The following SETD4 variants were observed in gnomAD, a reference collection of about 807,000 sequenced individuals.
SETD4 encodes the protein SET domain-containing protein 4.
In SETD4, 46 loss-of-function variants were observed where a neutral mutation model predicts 58.3. The observed-to-expected ratio is 0.79, with a 90% CI of 0.62 to 1.01. The LOEUF (loss-of-function observed/expected upper bound fraction) is 1.01, where lower values mean the gene tolerates loss of function less well. Ranked by LOEUF, SETD4 falls within the 50% of genes least tolerant of loss-of-function variation. The pLI is 0.00. For synonymous variants in SETD4, 190 were observed against 202.6 expected, an observed-to-expected ratio of 0.94 and a Z score of 0.53; for missense variants, 490 against 523.3, an observed-to-expected ratio of 0.94 and a Z score of 0.62.
rs150674920 is a variant in SETD4 at position 36,043,932 on chromosome 21, T to C, written c.751A>G (p.Thr251Ala). The C allele has an allele frequency of 3.7e-5, 60 of 1,614,038 alleles. No individual in the cohort carries two copies. The African/African-American group carries it at 7.2e-4, about 19-fold the overall frequency. The change falls in exon 7 of 12, where the codon ACT becomes GCT. Residue 251 changes from threonine (T) to alanine (A), a missense_variant. Physicochemically the swap from Thr to Ala is moderately conservative, Grantham distance 58. Transcript: ENST00000332131. ...GTCGTTCTAATTTCGTAAGAATGAG[T>C]TTCTTCATTAAACGCTGCTTTTACC... ...VQVKAAFNEE[T>A]HSYEIRTTSR... is the part of the protein sequence containing the mutation.
intron 6 of SETD4, among the ~76,000 whole-genome samples, 163 bp downstream of exon 6, chr21:36,045,419 A>T (rs556528127): frequency 1.9e-4 from 29 of 152,328 alleles, no homozygotes; most frequent in African/African-American, 6.3e-4. Context: ...AGTGGGGTCT[A>T]GAAGAACAAC....
Position 36,040,562 on chromosome 21 carries a change from A to G in SETD4, c.1064+13T>C. ...TGTTGCTACAGCTTAAGACCAACAC[A>G]TGTGAAACTTACAATTTCTCAGCTT... On this transcript the variant is annotated intron_variant, in intron 9 of 11. Coordinates refer to ENST00000332131, the MANE Select transcript of SETD4 (RefSeq NM_017438.5). 1 of 1,610,938 alleles carries G rather than the reference A, an allele frequency of 6.2e-7. No individual in the cohort carries two copies. Among genetic ancestry groups the G allele is most frequent in the Non-Finnish European group, 8.5e-7 (1 of 1,177,316 alleles).
intron 4 of SETD4, 74 bp from the exon 5 acceptor site, chr21:36,048,470 C>T (rs981676886): frequency 6.7e-6 from 9 of 1,350,432 alleles, no homozygotes; most frequent in Admixed American, 1.7e-5. Context: ...CTTACAAAGT[C>T]GTTGATCCCA....
chr21:36,050,733 G>C (rs560140020), intron 4 of SETD4: 1 of 1,612,690 alleles, frequency 6.2e-7, no homozygotes, highest in Non-Finnish European at 8.5e-7. Context: ...CTTGGCTCGA[G>C]ATAAGCACCA....
rs760891951 is a variant in SETD4 at position 36,045,443 on chromosome 21, C to T, written c.726+139G>A. 3.2e-5 allele frequency: 31 copies of T among 980,902 alleles called. No homozygotes were observed. In the East Asian group the frequency reaches 4.6e-4, roughly 15 times the overall value. The allele number at this position is 980,902 out of a possible 1,614,324, so 60.8% of individuals were successfully genotyped here. A position where few individuals can be genotyped will look rare whatever the true frequency, so the allele number is the denominator to read the frequency against. On this transcript the variant is annotated intron_variant, in intron 6 of 11. Coordinates refer to ENST00000332131, the MANE Select transcript of SETD4 (RefSeq NM_017438.5). ...TAGAAGAACAACAGGAGCCTCCTGA[C>T]GTCAGGCCAACCTGACAGGGTCACC...
chr21:36,050,206 A>C (rs2064580985), intron 4 of SETD4: 1 of 1,181,010 alleles, frequency 8.5e-7, no homozygotes. Context: ...AGGAAGCACA[A>C]GCTGATCAAG....
intron 4 of SETD4, among the ~76,000 whole-genome samples, chr21:36,052,365 G>A (rs1221199242): frequency 6.7e-6 from 1 of 148,948 alleles, no homozygotes; most frequent in Non-Finnish European, 1.5e-5. Context: ...TAGCCAAGAT[G>A]GTGAAACCCT....
At position 36,045,950 on chromosome 21, in the gene SETD4, C is replaced by A. The variant is rs2123625122; in HGVS notation, c.358G>T (p.Ala120Ser). 6.2e-7 allele frequency: 1 copy of A among 1,614,210 alleles called. No individual in the cohort carries two copies. The highest frequency in any genetic ancestry group is 2.2e-5 in the East Asian group (1 of 44,888). ...LCTFLVSEKHAGHRSLWKPYL... is the reference protein window; with the variant it reads ...LCTFLVSEKHSGHRSLWKPYL... ...GGCTTCCAAAGAGATCGGTGCCCAG[C>A]ATGCTTTTCTGAAACTAAAAAGGTG... Residue 120 changes from alanine (A) to serine (S), a missense_variant, in exon 6 of 12, where the codon GCT becomes TCT. Coordinates refer to ENST00000332131, the MANE Select transcript of SETD4 (RefSeq NM_017438.5).
In SETD4 at chr21:36,035,610, A is replaced by T. The variant is rs1601181076; in HGVS notation, c.*383T>A. ...TGGCGGGGATCCAGGACTACCTCAC[A>T]CTGCCCCACACCCACCGCCAATCTG... On this transcript the variant is annotated 3_prime_UTR_variant, in exon 12 of 12. Transcript: ENST00000332131. 1 of 171,738 alleles carries T rather than the reference A, an allele frequency of 5.8e-6. No homozygotes were observed. The highest frequency in any genetic ancestry group is 1.8e-4 in the East Asian group (1 of 5,594). The allele number at this position is 171,738 out of a possible 1,614,324, so 10.6% of individuals were successfully genotyped here.
chr21:36,051,261 A>C lies in SETD4; in HGVS notation c.207+2322T>G, dbSNP rs950734218. ...TGTTGACAACATAAGTGCAAGTTCCAGCTCTGTTGACAGTGACCCTGAAAG... is the reference window on the plus strand; with the variant it reads ...TGTTGACAACATAAGTGCAAGTTCCCGCTCTGTTGACAGTGACCCTGAAAG... On this transcript the variant is annotated intron_variant, in intron 4 of 11. Coordinates refer to ENST00000332131, the MANE Select transcript of SETD4 (RefSeq NM_017438.5). 27 of 1,599,820 alleles carry C rather than the reference A, an allele frequency of 1.7e-5. No individual in the cohort carries two copies. In the African/African-American group the frequency reaches 3.5e-4, roughly 21 times the overall value.
intron 4 of SETD4, chr21:36,053,326 A>T (rs2064810086): frequency 3.7e-6 from 2 of 535,452 alleles, no homozygotes; most frequent in East Asian, 6.5e-5. Context: ...CCCACCAGCC[A>T]GGGTCAGCCT....
intron 4 of SETD4, among the ~76,000 whole-genome samples, chr21:36,052,374 C>CT: frequency 1.3e-5 from 2 of 148,870 alleles, no homozygotes; most frequent in African/African-American, 5.0e-5. Context: ...TGGTGAAACC[C>CT]TGTCTCTACT....
intron 10 of SETD4, chr21:36,036,620 T>G (rs2063793565): frequency 1.0e-6 from 1 of 975,490 alleles, no homozygotes; most frequent in Non-Finnish European, 1.2e-6. Context: ...AAAATCACTC[T>G]TTAAATCCCA....
At chr21:36,048,717 C>CTT (rs5843739) in intron 4 of SETD4, among the ~76,000 whole-genome samples, 5,997 of 129,684 alleles carry the variant, frequency 0.046, 299 homozygotes, top group African/African-American at 0.094. Flanking sequence ...TGTTTCTTCA[C>CTT]TTTTTTTTTT....
At chr21:36,036,425 C>T (rs931564868) in intron 10 of SETD4, 174 bp from the exon 11 acceptor site, 3 of 331,186 alleles carry the variant, frequency 9.1e-6, no homozygotes, top group Non-Finnish European at 1.3e-5. Flanking sequence ...ATCACCCAAA[C>T]AGAAACTCTA....
chr21:36,058,847 T>C lies in SETD4; in HGVS notation c.42A>G (p.Arg14=). ...GKGRTSRIRR[R]KLCGSSESRG... ...TTGATTCAGAACTTCCGCAGAGTTT[T>C]CGTCTTCTGATCCGGCTTGTTCTCC... is the stretch of plus-strand genomic sequence containing the variant. Residue 14 remains arginine, a synonymous_variant, in exon 2 of 12, where the codon CGA becomes CGG. Coordinates refer to ENST00000332131, the MANE Select transcript of SETD4 (RefSeq NM_017438.5). The C allele has an allele frequency of 6.2e-7, 1 of 1,602,966 alleles. No homozygotes were observed. Among genetic ancestry groups the C allele is most frequent in the African/African-American group, 1.3e-5 (1 of 74,654 alleles).
intron 5 of SETD4, among the ~76,000 whole-genome samples, chr21:36,047,923 T>G (rs1414383445): frequency 6.6e-6 from 1 of 151,430 alleles, no homozygotes; most frequent in East Asian, 1.9e-4. Context: ...CGAGAATCAC[T>G]TGAACCTGGG....
At chr21:36,058,463 G>A (rs972638562) in intron 2 of SETD4, among the ~76,000 whole-genome samples, 6 of 147,452 alleles carry the variant, frequency 4.1e-5, no homozygotes, top group Admixed American at 2.7e-4. Context: ...CCATGATCAC[G>A]CCACTGCATT....
intron 5 of SETD4, among the ~76,000 whole-genome samples, chr21:36,047,959 T>C (rs2064421426): frequency 6.7e-6 from 1 of 148,790 alleles, no homozygotes; most frequent in African/African-American, 2.5e-5. Context: ...TAAGCCAAGA[T>C]CACGACATTG....
Sources: allele counts gnomAD v4.1 joint callset (sites outside exome capture counted in the v4.1 genomes callset), GRCh38; gene constraint gnomAD v4.1.1; transcripts MANE v1.5; gene names NCBI Gene and HGNC (gene_info 2026-07-23, HGNC 2026-07-21).